GRID2: variants seen among roughly 807,000 people sequenced by gnomAD.
The protein encoded by GRID2 is glutamate receptor ionotropic, delta-2.
GRID2 carries 33 observed loss-of-function variants against 114.8 expected under a neutral mutation model. That is an observed-to-expected ratio of 0.29 (90% CI 0.22 to 0.38). The LOEUF is 0.38. GRID2 is among the 10% of genes least tolerant of loss of function. The pLI is 1.00. For missense variants in GRID2, 1,184 were observed against 1,257.7 expected (o/e 0.94, Z 0.89); for synonymous variants, 505 against 449.9 (o/e 1.12, Z -1.55).
intron 2 of GRID2, among the ~76,000 whole-genome samples, chr4:92,898,256 A>G (rs1364473875): frequency 1.3e-5 from 2 of 152,168 alleles, no homozygotes; most frequent in Non-Finnish European, 2.9e-5. Context: ...TGAGAACATA[A>G]ACATTTAGTC....
intron 13 of GRID2, among the ~76,000 whole-genome samples, chr4:93,515,700 TA>T (rs1252410820): frequency 2.0e-5 from 3 of 152,130 alleles, no homozygotes; most frequent in East Asian, 1.9e-4. Flanking sequence ...ACATGAAGTT[TA>T]AAAAAGTTTT....
At chr4:92,864,532 C>A (rs1430190521) in intron 2 of GRID2, among the ~76,000 whole-genome samples, 2 of 152,134 alleles carry the variant, frequency 1.3e-5, no homozygotes, top group Non-Finnish European at 2.9e-5. Flanking sequence ...TTGACATTTC[C>A]CCACTGGACT....
At chr4:92,695,821 A>G (rs1414078119) in intron 2 of GRID2, among the ~76,000 whole-genome samples, 1 of 152,148 alleles carries the variant, frequency 6.6e-6, no homozygotes, top group Non-Finnish European at 1.5e-5. Context: ...GATGTCTCAA[A>G]TAGTTCGTGA....
chr4:92,770,362 A>G (rs943712640), intron 2 of GRID2, among the ~76,000 whole-genome samples: 1 of 152,004 alleles, frequency 6.6e-6, no homozygotes, highest in African/African-American at 2.4e-5. Context: ...ACATTCCCAC[A>G]TTTTCCTTTC....
intron 9 of GRID2, among the ~76,000 whole-genome samples, chr4:93,416,355 C>A (rs1288056049): frequency 6.6e-6 from 1 of 152,034 alleles, no homozygotes. Context: ...TAAGCTCACA[C>A]CATGCATAAA....
At chr4:93,728,178 A>T (rs1280051607) in intron 14 of GRID2, among the ~76,000 whole-genome samples, 2 of 151,974 alleles carry the variant, frequency 1.3e-5, no homozygotes, top group African/African-American at 2.4e-5. Flanking sequence ...AGATTCTGGT[A>T]TGTGGTGTCT....
In GRID2 at chr4:92,461,521, A is replaced by G. The variant is rs193112023; in HGVS notation, c.89-128610A>G. Among the ~76,000 whole-genome samples the G allele has an allele frequency of 2.1e-4, 32 of 152,090 alleles. No individual in the cohort carries two copies. The East Asian group carries it at 5.6e-3, about 27-fold the overall frequency. ...AATATGCTTTCTCGATATCTTTCTC[A>G]TAAGAACTCAGATAATTTCAGTATA... On this transcript the variant is annotated intron_variant, in intron 1 of 15. Coordinates refer to ENST00000282020, the MANE Select transcript of GRID2 (RefSeq NM_001510.4).
intron 1 of GRID2, among the ~76,000 whole-genome samples, chr4:93,796,466 T>A (rs1309071470): frequency 6.6e-6 from 1 of 151,558 alleles, no homozygotes; most frequent in African/African-American, 2.4e-5. Context: ...AGAAAAGGAG[T>A]CTCTGGAGCA....
chr4:92,823,746 A>C (rs1264067277), intron 2 of GRID2, among the ~76,000 whole-genome samples: 1 of 152,178 alleles, frequency 6.6e-6, no homozygotes, highest in Non-Finnish European at 1.5e-5. Context: ...ATAAACTCTG[A>C]AATTCCTTCT....
chr4:92,658,816 TATAC>T (rs1053834756), intron 2 of GRID2, among the ~76,000 whole-genome samples: 35 of 76,182 alleles, frequency 4.6e-4, no homozygotes, highest in Middle Eastern at 0.014. Context: ...TATATATATA[TATAC>T]ACACACACAA....
chr4:92,705,520 T>A (rs1734912499), intron 2 of GRID2, among the ~76,000 whole-genome samples: 2 of 152,290 alleles, frequency 1.3e-5, no homozygotes, highest in South Asian at 2.1e-4. Flanking sequence ...CCTTTTGAAG[T>A]TTAAAGTATC....
At chr4:93,106,804 C>CTA (rs1732281623) in intron 3 of GRID2, among the ~76,000 whole-genome samples, 1 of 152,100 alleles carries the variant, frequency 6.6e-6, no homozygotes, top group Non-Finnish European at 1.5e-5. Context: ...TTTATGCTTG[C>CTA]CATTTTGGGT....
chr4:93,196,057 G>A (rs1741456865), intron 4 of GRID2, among the ~76,000 whole-genome samples: 1 of 152,226 alleles, frequency 6.6e-6, no homozygotes, highest in Non-Finnish European at 1.5e-5. Context: ...ACACCGTAAG[G>A]TAATTTTTCA....
At chr4:92,919,542 G>T (rs1156833241) in intron 2 of GRID2, among the ~76,000 whole-genome samples, 2 of 152,138 alleles carry the variant, frequency 1.3e-5, no homozygotes, top group South Asian at 2.1e-4. Context: ...AGAGATTCTG[G>T]TATGTTGTGT....
At chr4:93,068,330 G>T (rs1728494152) in intron 2 of GRID2, among the ~76,000 whole-genome samples, 1 of 152,034 alleles carries the variant, frequency 6.6e-6, no homozygotes, top group Non-Finnish European at 1.5e-5. Context: ...TATGTGTAAA[G>T]TAAAGAGTGA....
chr4:92,535,385 A>C (rs1725567111), intron 1 of GRID2, among the ~76,000 whole-genome samples: 2 of 152,182 alleles, frequency 1.3e-5, no homozygotes, highest in Admixed American at 6.5e-5. Flanking sequence ...TGATTAATGC[A>C]ATCCTTAAAA....
intron 13 of GRID2, among the ~76,000 whole-genome samples, chr4:93,535,546 A>G (rs1207800128): frequency 6.6e-6 from 1 of 151,746 alleles, no homozygotes; most frequent in Non-Finnish European, 1.5e-5. Flanking sequence ...TTCTCCACAT[A>G]CTCACCAACA....
chr4:92,332,636 A>G (rs1293582179), intron 1 of GRID2, among the ~76,000 whole-genome samples: 1 of 152,192 alleles, frequency 6.6e-6, no homozygotes, highest in Non-Finnish European at 1.5e-5. Flanking sequence ...TTAAAGCATG[A>G]TTTATTCTGA....
In GRID2 at chr4:93,262,562, T is replaced by C. The variant is rs190434900; in HGVS notation, c.1245+24072T>C. Among the ~76,000 whole-genome samples, 417 of 152,110 alleles carry C rather than the reference T, an allele frequency of 2.7e-3. 1 individual carries two copies. Among genetic ancestry groups the C allele is most frequent in the Non-Finnish European group, 3.5e-3 (240 of 67,906 alleles). On this transcript the variant is annotated intron_variant, in intron 8 of 15. Transcript: ENST00000282020. ...CAGGGAATTTTAAATCAATTGCTTC[T>C]TTTTGTCTAATTATATAAACTTACC...
Sources: gnomAD v4.1 joint callset for allele counts (sites outside exome capture counted in the v4.1 genomes callset) on GRCh38, gnomAD v4.1.1 for gene constraint, MANE v1.5 for transcripts, NCBI Gene and HGNC (gene_info 2026-07-23, HGNC 2026-07-21) for gene names.